GPC5: variants seen among roughly 807,000 people sequenced by gnomAD.
The protein encoded by GPC5 is glypican-5.
A neutral mutation model predicts 53.9 loss-of-function variants in GPC5; 47 were observed. The ratio of observed to expected loss-of-function variants is 0.87; its 90% CI spans 0.69 to 1.11. The LOEUF (loss-of-function observed/expected upper bound fraction) is 1.11, where lower values mean the gene tolerates loss of function less well. Ranked by LOEUF, GPC5 falls within the 50% of genes most tolerant of loss-of-function variation. The pLI is 0.00. For missense variants in GPC5, 748 were observed against 713.1 expected, an observed-to-expected ratio of 1.05 and a Z score of -0.56; for synonymous variants, 286 against 263.3, an observed-to-expected ratio of 1.09 and a Z score of -0.84.
chr13:91,410,011 C>A (rs1169967679), intron 1 of GPC5, among the ~76,000 whole-genome samples: 2 of 152,162 alleles, frequency 1.3e-5, no homozygotes, highest in African/African-American at 4.8e-5. Flanking sequence ...GGCCTGTGGT[C>A]ACATATTTTA....
At chr13:91,628,433 C>T (rs555733592) in intron 2 of GPC5, among the ~76,000 whole-genome samples, 2 of 152,164 alleles carry the variant, frequency 1.3e-5, no homozygotes, top group East Asian at 3.9e-4. Flanking sequence ...GTAGATCATA[C>T]ATATCATGTA....
At chr13:91,610,385 C>T (rs949055278) in intron 2 of GPC5, among the ~76,000 whole-genome samples, 5 of 151,966 alleles carry the variant, frequency 3.3e-5, no homozygotes, top group South Asian at 4.1e-4. Context: ...ATTTTTCTTC[C>T]GTAGCTCATT....
At chr13:92,167,274 C>T (rs1056723166) in intron 7 of GPC5, among the ~76,000 whole-genome samples, 8 of 152,040 alleles carry the variant, frequency 5.3e-5, no homozygotes, top group South Asian at 2.1e-4. Flanking sequence ...ATATTTACAA[C>T]GCTTAAGTAT....
At chr13:92,547,819 CTT>C (rs567478017) in intron 7 of GPC5, among the ~76,000 whole-genome samples, 4 of 100,448 alleles carry the variant, frequency 4.0e-5, no homozygotes, top group Admixed American at 2.6e-4. Context: ...GCCTATTATT[CTT>C]TTTTTTTTTT....
intron 6 of GPC5, among the ~76,000 whole-genome samples, chr13:92,079,519 G>A (rs565892398): frequency 2.0e-5 from 3 of 152,296 alleles, no homozygotes; most frequent in African/African-American, 7.2e-5. Context: ...ACGTACATCT[G>A]CTATCATCGT....
In GPC5 at chr13:91,631,095, A is replaced by G. The variant is rs769406098; in HGVS notation, c.326-62092A>G. ...TGAAATTCATTATCCTGTGCATTGG[A>G]CCAGAAAACTTAAGCAAGACACAGA... On this transcript the variant is annotated intron_variant, in intron 2 of 7. Coordinates refer to ENST00000377067, the MANE Select transcript of GPC5 (RefSeq NM_004466.6). Among the ~76,000 whole-genome samples, 131 of 152,236 alleles carry G rather than the reference A, an allele frequency of 8.6e-4. 1 individual carries two copies. Among genetic ancestry groups the G allele is most frequent in the Non-Finnish European group, 7.6e-4 (52 of 68,012 alleles).
intron 2 of GPC5, among the ~76,000 whole-genome samples, chr13:91,531,719 CTG>C (rs755380506): frequency 6.6e-6 from 1 of 152,164 alleles, no homozygotes; most frequent in Non-Finnish European, 1.5e-5. Context: ...TGAATAGAAA[CTG>C]TGAGAAGTGT....
intron 6 of GPC5, among the ~76,000 whole-genome samples, chr13:91,988,756 C>T (rs985245615): frequency 2.0e-5 from 3 of 151,994 alleles, no homozygotes; most frequent in Non-Finnish European, 2.9e-5. Flanking sequence ...TTCCATCAAG[C>T]TTTAAGGTCT....
intron 1 of GPC5, among the ~76,000 whole-genome samples, chr13:91,409,239 G>T (rs951747325): frequency 1.3e-5 from 2 of 152,028 alleles, no homozygotes; most frequent in African/African-American, 4.8e-5. Flanking sequence ...TTCTCACCAG[G>T]CTTGGAATTC....
chr13:92,389,534 T>C (rs182528780), intron 7 of GPC5, among the ~76,000 whole-genome samples: 27 of 152,292 alleles, frequency 1.8e-4, no homozygotes, highest in African/African-American at 5.8e-4. Flanking sequence ...CTTTTTTAGA[T>C]ATTGATCTGA....
At chr13:92,573,127 T>A (rs1460965815) in intron 7 of GPC5, among the ~76,000 whole-genome samples, 1 of 152,202 alleles carries the variant, frequency 6.6e-6, no homozygotes, top group Non-Finnish European at 1.5e-5. Flanking sequence ...ATGACATTAA[T>A]CCAGGTAGAC....
chr13:92,003,204 C>T (rs1346530825), intron 6 of GPC5, among the ~76,000 whole-genome samples: 1 of 151,686 alleles, frequency 6.6e-6, no homozygotes, highest in Non-Finnish European at 1.5e-5. Flanking sequence ...CCAGCTACTC[C>T]CAGCTACTCA....
At chr13:92,041,998 C>A (rs985196981) in intron 6 of GPC5, among the ~76,000 whole-genome samples, 11 of 152,100 alleles carry the variant, frequency 7.2e-5, no homozygotes, top group African/African-American at 2.4e-4. Context: ...TACAGAGGCA[C>A]CTGGAGATGG....
intron 7 of GPC5, among the ~76,000 whole-genome samples, chr13:92,170,195 T>C (rs2042059436): frequency 6.6e-6 from 1 of 151,756 alleles, no homozygotes; most frequent in Admixed American, 6.6e-5. Flanking sequence ...TCAATGAGGG[T>C]TACTCTAGTT....
At chr13:92,549,014 C>A (rs1168637381) in intron 7 of GPC5, among the ~76,000 whole-genome samples, 1 of 152,058 alleles carries the variant, frequency 6.6e-6, no homozygotes, top group East Asian at 1.9e-4. Flanking sequence ...GATAAAATAT[C>A]TCCAATGGGC....
At chr13:92,762,507 T>C (rs1181536267) in intron 7 of GPC5, among the ~76,000 whole-genome samples, 1 of 152,166 alleles carries the variant, frequency 6.6e-6, no homozygotes, top group Non-Finnish European at 1.5e-5. Flanking sequence ...GCTTTTAAAA[T>C]TATCTCATCT....
chr13:92,506,442 T>C (rs1880372111), intron 7 of GPC5, among the ~76,000 whole-genome samples: 1 of 152,150 alleles, frequency 6.6e-6, no homozygotes, highest in South Asian at 2.1e-4. Flanking sequence ...ATTTTTTAAA[T>C]AATAATTGAT....
At chr13:91,618,342 T>C (rs944320666) in intron 2 of GPC5, among the ~76,000 whole-genome samples, 1 of 152,150 alleles carries the variant, frequency 6.6e-6, no homozygotes, top group Non-Finnish European at 1.5e-5. Flanking sequence ...GGCTTATATT[T>C]ATATGACATT....
chr13:92,019,946 G>T (rs2040742919), intron 6 of GPC5, among the ~76,000 whole-genome samples: 1 of 152,044 alleles, frequency 6.6e-6, no homozygotes, highest in African/African-American at 2.4e-5. Flanking sequence ...TCTGGAGATT[G>T]GAAGTTTGAT....
Sources: allele counts gnomAD v4.1 joint callset (sites outside exome capture counted in the v4.1 genomes callset), GRCh38; gene constraint gnomAD v4.1.1; transcripts MANE v1.5; gene names NCBI Gene and HGNC (gene_info 2026-07-23, HGNC 2026-07-21).